Variants in DLEC1 observed in about 807,000 individuals in gnomAD.
DLEC1 encodes deleted in lung and esophageal cancer protein 1.
In DLEC1, 146 loss-of-function variants were observed where a neutral mutation model predicts 198.1. That is an observed-to-expected ratio of 0.74 (90% CI 0.64 to 0.85). DLEC1 has a LOEUF of 0.85. Ranked by LOEUF, DLEC1 falls within the 40% of genes least tolerant of loss-of-function variation. DLEC1 has a pLI of 0.00. For synonymous variants in DLEC1, 897 were observed against 866.8 expected, an observed-to-expected ratio of 1.03 and a Z score of -0.61; for missense variants, 2,233 against 2,220.0, an observed-to-expected ratio of 1.01 and a Z score of -0.12.
intron 6 of DLEC1, among the ~76,000 whole-genome samples, chr3:38,064,597 C>T (rs936772543): frequency 6.8e-6 from 1 of 147,846 alleles, no homozygotes; most frequent in Non-Finnish European, 1.5e-5. Context: ...CGGGCAGAGG[C>T]TCCCCCACCA....
chr3:38,098,699 G>T (rs1699157282), intron 18 of DLEC1, among the ~76,000 whole-genome samples: 1 of 152,070 alleles, frequency 6.6e-6, no homozygotes, highest in African/African-American at 2.4e-5. Flanking sequence ...GTATTAAGGA[G>T]CCCAGGGAAG....
chr3:38,081,368 C>T (rs1697979194), intron 6 of DLEC1, among the ~76,000 whole-genome samples: 2 of 132,214 alleles, frequency 1.5e-5, no homozygotes, highest in Non-Finnish European at 1.6e-5. Flanking sequence ...GGCAGAGGGG[C>T]TCCTCACTTC....
At chr3:38,084,486 G>C in intron 7 of DLEC1, among the ~76,000 whole-genome samples, 1 of 34,284 alleles carries the variant, frequency 2.9e-5, no homozygotes, top group Non-Finnish European at 7.4e-5. Flanking sequence ...GGTGGTAGTA[G>C]TGGTGGTAGT....
intron 6 of DLEC1, among the ~76,000 whole-genome samples, 193 bp from the exon 7 acceptor site, chr3:38,083,965 C>G (rs1023847454): frequency 1.3e-5 from 2 of 152,092 alleles, no homozygotes; most frequent in African/African-American, 4.8e-5. Context: ...CTTCCCAAAA[C>G]AAACAAAAGT....
chr3:38,117,703 G>A, intron 32 of DLEC1, 92 bp downstream of exon 32: 1 of 1,602,880 alleles, frequency 6.2e-7, no homozygotes, highest in South Asian at 1.1e-5. Flanking sequence ...TATAGTCTGA[G>A]CCCAAATCCC....
At chr3:38,065,334 G>A (rs1055277214) in intron 6 of DLEC1, among the ~76,000 whole-genome samples, 13 of 148,292 alleles carry the variant, frequency 8.8e-5, no homozygotes, top group South Asian at 2.1e-4. Context: ...CGTGCAGAGG[G>A]AGAGGGAGAG....
At chr3:38,119,719 A>G (rs1453968440) in intron 33 of DLEC1, among the ~76,000 whole-genome samples, 1 of 152,004 alleles carries the variant, frequency 6.6e-6, no homozygotes, top group African/African-American at 2.4e-5. Context: ...TTATTTGCAG[A>G]GATAAGGTCT....
chr3:38,088,492 T>A, intron 10 of DLEC1, 104 bp downstream of exon 10: 1 of 1,074,218 alleles, frequency 9.3e-7, no homozygotes, highest in Non-Finnish European at 1.4e-6. Flanking sequence ...TATCACAGCC[T>A]TAGTGACTTC....
At chr3:38,044,202 C>T (rs887765882) in intron 1 of DLEC1, among the ~76,000 whole-genome samples, 3 of 151,626 alleles carry the variant, frequency 2.0e-5, no homozygotes, top group South Asian at 2.1e-4. Context: ...GCTGTGATTG[C>T]GCCACTGTAC....
chr3:38,107,766 G>A (rs1292433981), intron 20 of DLEC1, 29 bp downstream of exon 20: 5 of 1,608,852 alleles, frequency 3.1e-6, no homozygotes, highest in Admixed American at 3.4e-5. Flanking sequence ...TCAGGCAGCA[G>A]TCTGCAGCCC....
intron 21 of DLEC1, 27 bp from the exon 22 acceptor site, chr3:38,109,405 C>CT: frequency 2.5e-6 from 4 of 1,613,804 alleles, no homozygotes; most frequent in Non-Finnish European, 3.4e-6. Flanking sequence ...CAGGCCTGGT[C>CT]TGACCCCTGG....
chr3:38,063,811 C>G (rs1252962335), intron 5 of DLEC1, 30 bp from the exon 6 acceptor site: 2 of 1,551,170 alleles, frequency 1.3e-6, no homozygotes, highest in African/African-American at 1.4e-5. Context: ...AAACTAACAG[C>G]CTTTCTCCCC....
intron 18 of DLEC1, among the ~76,000 whole-genome samples, chr3:38,099,386 A>G (rs1559446657): frequency 6.6e-6 from 1 of 152,242 alleles, no homozygotes; most frequent in Non-Finnish European, 1.5e-5. Flanking sequence ...AAGAATAACT[A>G]TGTTTTATAA....
intron 6 of DLEC1, among the ~76,000 whole-genome samples, chr3:38,075,667 A>G (rs1191676984): frequency 6.6e-6 from 1 of 152,030 alleles, no homozygotes; most frequent in Admixed American, 6.6e-5. Flanking sequence ...GCATGGAAAT[A>G]AGGGATCGGG....
intron 8 of DLEC1, among the ~76,000 whole-genome samples, 168 bp from the exon 9 acceptor site, chr3:38,086,068 AGAGCC>A (rs1698439094): frequency 6.6e-6 from 1 of 152,242 alleles, no homozygotes; most frequent in Admixed American, 6.5e-5. Flanking sequence ...CAGCCTGGGC[AGAGCC>A]CAAGTGGGTG....
rs545439173 is a variant in DLEC1, at chr3:38,117,506, A to G, written c.4401-21A>G. On this transcript the variant is annotated intron_variant, in intron 31 of 36. Transcript: ENST00000308059. The stretch of plus-strand genomic sequence containing the variant: ...GGCCCCAGGCGCCCGGCTTGCCCCA[A>G]CAATGCCTATTGCTGGGCAGGCTAA... The G allele has an allele frequency of 2.5e-6, 4 of 1,614,114 alleles. No individual in the cohort carries two copies. The African/African-American group carries it at 4.0e-5, about 16-fold the overall frequency.
At chr3:38,078,954 G>C (rs972914069) in intron 6 of DLEC1, among the ~76,000 whole-genome samples, 1 of 152,218 alleles carries the variant, frequency 6.6e-6, no homozygotes, top group African/African-American at 2.4e-5. Context: ...GCTTTAAAAG[G>C]CCATGCTGTA....
intron 33 of DLEC1, among the ~76,000 whole-genome samples, chr3:38,119,093 G>C (rs116116079): frequency 0.018 from 2,712 of 152,270 alleles, 90 homozygotes; most frequent in African/African-American, 0.062. Flanking sequence ...GAGACACGGC[G>C]GTTAGCCACC....
At chr3:38,039,675 G>C in intron 1 of DLEC1, 39 bp downstream of exon 1, 1 of 1,552,792 alleles carries the variant, frequency 6.4e-7, no homozygotes. Flanking sequence ...GACGGTGCCG[G>C]GGTCTCAGCG....
Sources: allele counts gnomAD v4.1 joint callset (sites outside exome capture counted in the v4.1 genomes callset), GRCh38; gene constraint gnomAD v4.1.1; transcripts MANE v1.5; gene names NCBI Gene and HGNC (gene_info 2026-07-23, HGNC 2026-07-21).